The following RANBP2 variants were observed in gnomAD, a reference collection of about 807,000 sequenced individuals.
RANBP2 encodes RAN binding protein 2.
RANBP2 carries 57 observed loss-of-function variants against 303.6 expected under a neutral mutation model. That is an observed-to-expected ratio of 0.19 (90% CI 0.15 to 0.23). The LOEUF (loss-of-function observed/expected upper bound fraction) is 0.23, where lower values mean the gene tolerates loss of function less well. Ranked by LOEUF, RANBP2 falls within the 10% of genes least tolerant of loss-of-function variation. The pLI, the probability that RANBP2 is intolerant of heterozygous loss-of-function variation, is 1.00. For missense variants in RANBP2, 3,138 were observed against 3,780.8 expected, an observed-to-expected ratio of 0.83 and a Z score of 4.46; for synonymous variants, 1,167 against 1,301.5, an observed-to-expected ratio of 0.90 and a Z score of 2.23.
chr2:108,766,777 G>A lies in RANBP2; in HGVS notation c.6238G>A (p.Val2080Ile), dbSNP rs1677149963. 5.0e-6 allele frequency: 8 copies of A among 1,612,026 alleles called. No individual in the cohort carries two copies. Among genetic ancestry groups the A allele is most frequent in the Non-Finnish European group, 6.8e-6 (8 of 1,179,860 alleles). The change falls in exon 20 of 29, where the codon GTA (valine) becomes ATA (isoleucine). Residue 2080 changes from valine to isoleucine, a missense_variant. Around this residue, in one of 20 missense-constraint regions of RANBP2, gnomAD observed 103 missense variants for 214.3 expected, o/e 0.48. Transcript: ENST00000283195. ...KLRMLMRREQ[V>I]LKVCANHWIT... The stretch of plus-strand genomic sequence containing the variant: ...AAGAATGCTGATGCGAAGAGAACAA[G>A]TACTAAAAGTGTGTGCTAATCATTG...
chr2:109,748,698 C>T, the RANBP2 span, among the ~76,000 whole-genome samples: 1 of 149,352 alleles, frequency 6.7e-6, no homozygotes, highest in Admixed American at 6.7e-5. Context: ...CATGGCAAAA[C>T]CCCATCTCTA....
At chr2:108,819,928 C>G in the RANBP2 span, among the ~76,000 whole-genome samples, 1 of 152,014 alleles carries the variant, frequency 6.6e-6, no homozygotes, top group African/African-American at 2.4e-5. Flanking sequence ...AAAGAGAACA[C>G]AAAAAACTAA....
chr2:109,348,409 C>T, the RANBP2 span, among the ~76,000 whole-genome samples: 4 of 152,228 alleles, frequency 2.6e-5, no homozygotes, highest in African/African-American at 4.8e-5. Context: ...CTGTGCATCA[C>T]AGCCCTGTCC....
the RANBP2 span, among the ~76,000 whole-genome samples, chr2:109,143,362 A>T: frequency 6.6e-6 from 1 of 152,202 alleles, no homozygotes; most frequent in Non-Finnish European, 1.5e-5. Context: ...TCAAAGCGAG[A>T]TGTGCAATCT....
the RANBP2 span, among the ~76,000 whole-genome samples, chr2:108,915,718 GA>G: frequency 6.6e-6 from 1 of 152,008 alleles, no homozygotes; most frequent in Admixed American, 6.5e-5. Flanking sequence ...CCAACATGGT[GA>G]AACCCCAACT....
At position 108,768,289 on chromosome 2, in the gene RANBP2, G is replaced by A. The variant is rs1327211489; in HGVS notation, c.7750G>A (p.Asp2584Asn). The stretch of plus-strand genomic sequence containing the variant: ...AAAATGTGAACTGTCAAAGAACTCT[G>A]ATATCGAACAGTCTTCAGATAGCAA... ...PKKCELSKNS[D>N]IEQSSDSKVK... The change falls in exon 20 of 29, where the codon GAT (aspartate) becomes AAT (asparagine). Residue 2584 changes from aspartate (D) to asparagine (N), a missense_variant. By Grantham distance (23) the Asp-to-Asn change is conservative. This residue lies in a region of RANBP2 where 497 missense variants were observed against 465.8 expected (regional missense o/e 1.07). Transcript: ENST00000283195. 2 of 1,611,996 alleles carry A rather than the reference G, an allele frequency of 1.2e-6. No homozygotes were observed. Among genetic ancestry groups the A allele is most frequent in the East Asian group, 2.2e-5 (1 of 44,872 alleles).
chr2:108,910,895 G>A, the RANBP2 span: 1 of 1,613,870 alleles, frequency 6.2e-7, no homozygotes, highest in African/African-American at 1.3e-5. Flanking sequence ...TCCGACAGGG[G>A]GAGTTGACGG....
the RANBP2 span, among the ~76,000 whole-genome samples, chr2:109,672,552 T>C: frequency 6.6e-6 from 1 of 152,228 alleles, no homozygotes; most frequent in Non-Finnish European, 1.5e-5. Context: ...ACCTGCAGTG[T>C]TGGGCCCTCT....
chr2:109,078,259 ATATAGCGCG>A, the RANBP2 span, among the ~76,000 whole-genome samples: 1 of 55,152 alleles, frequency 1.8e-5, no homozygotes, highest in East Asian at 3.8e-4. Flanking sequence ...ATATATATAT[ATATAGCGCG>A]TATATATATA....
chr2:109,524,122 C>A, the RANBP2 span, among the ~76,000 whole-genome samples: 2 of 152,212 alleles, frequency 1.3e-5, no homozygotes, highest in Non-Finnish European at 1.5e-5. Flanking sequence ...TTCTGCACAT[C>A]ATGCATAAGG....
At chr2:109,335,012 C>T in the RANBP2 span, among the ~76,000 whole-genome samples, 8 of 152,214 alleles carry the variant, frequency 5.3e-5, no homozygotes, top group South Asian at 2.1e-4. Flanking sequence ...TTTATGTCAC[C>T]GCGTTGGCGA....
At chr2:109,487,574 T>G in the RANBP2 span, among the ~76,000 whole-genome samples, 975 of 152,264 alleles carry the variant, frequency 6.4e-3, 7 homozygotes, top group African/African-American at 0.018. Context: ...ACAGGAAAAT[T>G]ATCCATCACA....
At chr2:108,726,224 G>A (rs1694692890) in intron 1 of RANBP2, among the ~76,000 whole-genome samples, 1 of 152,144 alleles carries the variant, frequency 6.6e-6, no homozygotes, top group East Asian at 1.9e-4. Flanking sequence ...CCCTTTGTCC[G>A]ACATATTCAT....
At chr2:108,868,375 C>A in the RANBP2 span, among the ~76,000 whole-genome samples, 3 of 152,134 alleles carry the variant, frequency 2.0e-5, no homozygotes, top group African/African-American at 7.2e-5. Flanking sequence ...TAAATACTTT[C>A]CACCAAGCTT....
At chr2:109,154,690 G>GTCAGGTGGGGCCAGGGTTTGGACAAGT in the RANBP2 span, among the ~76,000 whole-genome samples, 1 of 152,192 alleles carries the variant, frequency 6.6e-6, no homozygotes, top group Non-Finnish European at 1.5e-5. Flanking sequence ...TTTGGACAAG[G>GTCAGGTGGGGCCAGGGTTTGGACAAGT]TCAGGTGGGA....
chr2:109,677,913 C>G, the RANBP2 span, among the ~76,000 whole-genome samples: 1 of 152,204 alleles, frequency 6.6e-6, no homozygotes, highest in African/African-American at 2.4e-5. Context: ...ATCCCCGGTT[C>G]CTGGTAAGGG....
chr2:108,791,902 G>T, the RANBP2 span: 1 of 1,210,600 alleles, frequency 8.3e-7, no homozygotes, highest in South Asian at 1.6e-5. Context: ...CCAAGAGTTT[G>T]CATATTTCTG....
chr2:109,244,888 G>A, the RANBP2 span, among the ~76,000 whole-genome samples: 1 of 152,224 alleles, frequency 6.6e-6, no homozygotes, highest in African/African-American at 2.4e-5. Flanking sequence ...ATTCTGCAGG[G>A]TGTGGACACA....
At chr2:109,432,765 G>A in the RANBP2 span, 220 of 1,458,958 alleles carry the variant, frequency 1.5e-4, 4 homozygotes, top group South Asian at 2.5e-3. Flanking sequence ...TCTGTCAGCC[G>A]GGCCCAGAAG....
Sources: gnomAD v4.1 joint callset for allele counts (sites outside exome capture counted in the v4.1 genomes callset) on GRCh38, gnomAD v4.1.1 for gene constraint, gnomAD v4.1.1 regional missense constraint, MANE v1.5 for transcripts, NCBI Gene and HGNC (gene_info 2026-07-23, HGNC 2026-07-21) for gene names.